The following NDST4 variants were observed in gnomAD, a reference collection of about 807,000 sequenced individuals.
NDST4 encodes N-heparan sulfate sulfotransferase 4.
A neutral mutation model predicts 100.8 loss-of-function variants in NDST4; 63 were observed. The ratio of observed to expected loss-of-function variants is 0.62; its 90% CI spans 0.51 to 0.77. The LOEUF is 0.77. Among genes scored for constraint, NDST4 ranks in the 30% least tolerant of loss-of-function variants. The pLI, the probability that NDST4 is intolerant of heterozygous loss-of-function variation, is 0.00. For missense variants in NDST4, 943 were observed against 1,018.4 expected (o/e 0.93, Z 1.01); for synonymous variants, 377 against 361.8 (o/e 1.04, Z -0.48).
rs556538077 is a variant in NDST4, at chr4:114,848,077, A to G, written c.1940+138T>C. The G allele has an allele frequency of 2.0e-5, 14 of 697,178 alleles. No individual in the cohort carries two copies. In the South Asian group the frequency reaches 2.4e-4, roughly 12 times the overall value. The allele number at this position is 697,178 out of a possible 1,614,324, so 43.2% of individuals were successfully genotyped here. ...ATAGGCAACACTGATTAAACATATC[A>G]TCATTATAAATTAATTTCTAATTCA... is the stretch of plus-strand genomic sequence containing the variant. On this transcript the variant is annotated intron_variant, in intron 9 of 13. Transcript: ENST00000264363.
chr4:115,007,664 A>C lies in NDST4; in HGVS notation c.979-30390T>G, dbSNP rs1285161795. On this transcript the variant is annotated intron_variant, in intron 2 of 13. Transcript: ENST00000264363. The stretch of plus-strand genomic sequence containing the variant: ...CAAGGAAGGTTGGGAGAAATGGGAT[A>C]TGAAACGCAGGGAATCATTTACCAC... Among the ~76,000 whole-genome samples, 2 of 77,828 alleles carry C rather than the reference A, an allele frequency of 2.6e-5. 1 individual carries two copies. Among genetic ancestry groups the C allele is most frequent in the African/African-American group, 1.0e-4 (2 of 19,850 alleles). The allele number at this position is 77,828 out of a possible 152,430, so 51.1% of individuals were successfully genotyped here. A position where few individuals can be genotyped will look rare whatever the true frequency, so the allele number is the denominator to read the frequency against.
intron 6 of NDST4, among the ~76,000 whole-genome samples, chr4:114,872,388 C>T (rs1156841321): frequency 6.6e-6 from 1 of 151,978 alleles, no homozygotes; most frequent in African/African-American, 2.4e-5. Flanking sequence ...TTTAAACAAA[C>T]ACAGGCATAT....
At chr4:114,997,384 A>C (rs1269596280) in intron 2 of NDST4, among the ~76,000 whole-genome samples, 1 of 152,118 alleles carries the variant, frequency 6.6e-6, no homozygotes, top group Non-Finnish European at 1.5e-5. Flanking sequence ...CAAGTTGCTA[A>C]AGGAAAAATA....
intron 2 of NDST4, among the ~76,000 whole-genome samples, chr4:114,999,250 T>C (rs1294829325): frequency 2.6e-5 from 4 of 152,086 alleles, no homozygotes; most frequent in Non-Finnish European, 5.9e-5. Context: ...ACTGTGGATT[T>C]AATCATAAGC....
At chr4:115,021,355 TC>T (rs1321499770) in intron 2 of NDST4, among the ~76,000 whole-genome samples, 4 of 147,254 alleles carry the variant, frequency 2.7e-5, no homozygotes, top group Non-Finnish European at 5.9e-5. Flanking sequence ...ATATACATAT[TC>T]CATATATACA....
At chr4:115,063,088 G>A (rs912039731) in intron 2 of NDST4, among the ~76,000 whole-genome samples, 1 of 151,968 alleles carries the variant, frequency 6.6e-6, no homozygotes, top group Non-Finnish European at 1.5e-5. Context: ...GATTGGAAAG[G>A]TGGTGGTATT....
intron 4 of NDST4, among the ~76,000 whole-genome samples, chr4:114,968,494 A>C (rs1211917545): frequency 6.6e-6 from 1 of 152,186 alleles, no homozygotes; most frequent in East Asian, 1.9e-4. Context: ...GGGATGAGCA[A>C]ACTTTTTTTT....
At chr4:114,876,841 C>T (rs1484983343) in intron 6 of NDST4, among the ~76,000 whole-genome samples, 2 of 151,968 alleles carry the variant, frequency 1.3e-5, no homozygotes, top group African/African-American at 4.8e-5. Context: ...TGTTAATTTA[C>T]TTATATAACT....
intron 7 of NDST4, among the ~76,000 whole-genome samples, chr4:114,857,692 C>G (rs538945183): frequency 1.3e-5 from 2 of 152,244 alleles, no homozygotes; most frequent in African/African-American, 4.8e-5. Flanking sequence ...GAGTTGTGGG[C>G]AGTGTACCTA....
At chr4:115,065,851 A>G (rs1199092489) in intron 2 of NDST4, among the ~76,000 whole-genome samples, 1 of 152,264 alleles carries the variant, frequency 6.6e-6, no homozygotes, top group Non-Finnish European at 1.5e-5. Flanking sequence ...TTACCTTGTA[A>G]TTCAATTAAC....
At chr4:115,037,524 CTTA>C (rs1728259246) in intron 2 of NDST4, among the ~76,000 whole-genome samples, 1 of 151,952 alleles carries the variant, frequency 6.6e-6, no homozygotes. Flanking sequence ...TAAAATTATT[CTTA>C]TTATATTGTT....
chr4:114,971,533 C>T (rs1053214879), intron 3 of NDST4, among the ~76,000 whole-genome samples: 2 of 152,004 alleles, frequency 1.3e-5, no homozygotes, highest in Admixed American at 6.6e-5. Context: ...TGTTGTGAAT[C>T]GATAACATAA....
intron 1 of NDST4, among the ~76,000 whole-genome samples, chr4:115,086,794 T>G (rs904751606): frequency 6.6e-6 from 1 of 152,094 alleles, no homozygotes; most frequent in East Asian, 1.9e-4. Context: ...ATAAAGAGTC[T>G]AATTTATTAA....
At chr4:114,906,221 A>G (rs1455857143) in intron 6 of NDST4, among the ~76,000 whole-genome samples, 2 of 152,068 alleles carry the variant, frequency 1.3e-5, no homozygotes, top group Admixed American at 6.6e-5. Flanking sequence ...GAAAAGAAAG[A>G]TAGACTTAGT....
At chr4:114,894,496 T>C (rs1224486796) in intron 6 of NDST4, among the ~76,000 whole-genome samples, 1 of 152,140 alleles carries the variant, frequency 6.6e-6, no homozygotes, top group Admixed American at 6.6e-5. Context: ...ATTCTCTTTG[T>C]AGCAATTGTG....
chr4:114,961,237 C>T (rs958201254), intron 4 of NDST4, among the ~76,000 whole-genome samples: 2 of 151,634 alleles, frequency 1.3e-5, no homozygotes, highest in African/African-American at 4.8e-5. Context: ...TGTAAAATGC[C>T]TTTATTAAAA....
chr4:114,842,558 G>A (rs1018928868), intron 10 of NDST4: 23 of 177,218 alleles, frequency 1.3e-4, no homozygotes, highest in Admixed American at 8.5e-4. Flanking sequence ...TTGGGAGGCC[G>A]AGGCAGGCGG....
At chr4:115,113,018 TAATTTG>T (rs1299860393) in intron 1 of NDST4, among the ~76,000 whole-genome samples, 7 of 151,962 alleles carry the variant, frequency 4.6e-5, no homozygotes, top group Admixed American at 4.6e-4. Context: ...CCATCTTCGG[TAATTTG>T]AATGCCATGT....
At chr4:115,091,309 G>A (rs1312054360) in intron 1 of NDST4, among the ~76,000 whole-genome samples, 1 of 151,848 alleles carries the variant, frequency 6.6e-6, no homozygotes, top group Non-Finnish European at 1.5e-5. Flanking sequence ...TCATTTACAA[G>A]AAATGACAAA....
Sources: allele counts gnomAD v4.1 joint callset (sites outside exome capture counted in the v4.1 genomes callset), GRCh38; gene constraint gnomAD v4.1.1; transcripts MANE v1.5; gene names NCBI Gene and HGNC (gene_info 2026-07-23, HGNC 2026-07-21).